The following NDEL1 variants were observed in gnomAD, a reference collection of about 807,000 sequenced individuals.
NDEL1 encodes nuclear distribution protein nudE-like 1.
Under a neutral mutation model 45.7 loss-of-function variants are expected in NDEL1, and 9 were observed. The ratio of observed to expected loss-of-function variants is 0.20; its 90% CI spans 0.12 to 0.34. NDEL1 has a LOEUF of 0.34. Among genes scored for constraint, NDEL1 ranks in the 10% least tolerant of loss-of-function variants. The pLI is 1.00. For missense variants in NDEL1, 306 were observed against 406.2 expected (o/e 0.75, Z 2.12); for synonymous variants, 133 against 158.6 (o/e 0.84, Z 1.21).
At chr17:8,450,650 A>T in intron 5 of NDEL1, 130 bp from the exon 6 acceptor site, 1 of 815,152 alleles carries the variant, frequency 1.2e-6, no homozygotes, top group Non-Finnish European at 1.8e-6. Context: ...AGTTATACTT[A>T]AATAGGAAAT....
chr17:8,452,740 C>CTTTTTTTTTTTTTTTTTTTTTTTTGTGTT, intron 6 of NDEL1, among the ~76,000 whole-genome samples: 1 of 95,628 alleles, frequency 1.0e-5, no homozygotes, highest in East Asian at 3.0e-4. Flanking sequence ...TTTTTCTTCT[C>CTTTTTTTTTTTTTTTTTTTTTTTTGTGTT]TTTTTTTTTT....
chr17:8,443,666 T>C (rs1229386603), intron 1 of NDEL1, among the ~76,000 whole-genome samples: 3 of 151,904 alleles, frequency 2.0e-5, no homozygotes, highest in Non-Finnish European at 4.4e-5. Flanking sequence ...AGAACCAGGA[T>C]GAGAGAGAGA....
At chr17:8,423,211 C>T (rs1908746733) in intron 1 of NDEL1, among the ~76,000 whole-genome samples, 1 of 152,078 alleles carries the variant, frequency 6.6e-6, no homozygotes. Flanking sequence ...ACAAGTGACC[C>T]CCCCTAGAGA....
chr17:8,455,998 A>G (rs1910817105), intron 7 of NDEL1, among the ~76,000 whole-genome samples: 1 of 152,204 alleles, frequency 6.6e-6, no homozygotes, highest in Non-Finnish European at 1.5e-5. Context: ...ATTAGCTCCC[A>G]TTACTATTTC....
At chr17:8,432,319 T>A (rs577899314), upstream of NDEL1, among the ~76,000 whole-genome samples, 2 of 48,402 alleles carry the variant, frequency 4.1e-5, no homozygotes, top group South Asian at 7.3e-4. Context: ...ATATATATAT[T>A]TATATATAAA....
rs200250137 is a variant in NDEL1, at chr17:8,463,374, G to A, written c.944+3214G>A. On this transcript the variant is annotated intron_variant, in intron 8 of 8. Coordinates refer to ENST00000334527, the MANE Select transcript of NDEL1 (RefSeq NM_030808.5). ...TCATGGGTAACTGAATTTGTTTGCTGTGCTCTTTTTCATTCTTTCTTAATC... is the reference window on the plus strand; with the variant it reads ...TCATGGGTAACTGAATTTGTTTGCTATGCTCTTTTTCATTCTTTCTTAATC... The A allele has an allele frequency of 4.3e-6, 7 of 1,611,194 alleles. No homozygotes were observed. In the East Asian group the frequency reaches 1.6e-4, roughly 36 times the overall value.
chr17:8,417,573 C>T (rs767691538), intron 1 of NDEL1, among the ~76,000 whole-genome samples: 2 of 152,176 alleles, frequency 1.3e-5, no homozygotes, highest in Non-Finnish European at 2.9e-5. Flanking sequence ...GTATCTGGCC[C>T]TGGTTGTTGG....
chr17:8,439,497 G>A (rs1361817213), intron 1 of NDEL1, among the ~76,000 whole-genome samples: 2 of 149,992 alleles, frequency 1.3e-5, no homozygotes, highest in Non-Finnish European at 3.0e-5. Flanking sequence ...CAAGTGATCC[G>A]CCTGCCTCAG....
intron 4 of NDEL1, among the ~76,000 whole-genome samples, chr17:8,447,982 C>CGGTGGGGGGGGGGGGG (rs1910197536): frequency 9.3e-6 from 1 of 107,714 alleles, no homozygotes; most frequent in African/African-American, 3.5e-5. Flanking sequence ...GGGAGGTGGG[C>CGGTGGGGGGGGGGGGG]GGGGGGGGGG....
At position 8,445,880 on chromosome 17, in the gene NDEL1, G is replaced by A; in HGVS notation, c.240+16G>A. On this transcript the variant is annotated intron_variant, in intron 3 of 8. Coordinates refer to ENST00000334527, the MANE Select transcript of NDEL1 (RefSeq NM_030808.5). ...GGCATTAAAGGTAATTGCAGCAGTA[G>A]ACGCTGGGGTCTAATGTGTTGAGTT... is the stretch of plus-strand genomic sequence containing the variant. 3 of 1,484,432 alleles carry A rather than the reference G, an allele frequency of 2.0e-6. No individual in the cohort carries two copies. The highest frequency in any genetic ancestry group is 1.8e-4 in the Middle Eastern group (1 of 5,660). The allele number at this position is 1,484,432 out of a possible 1,614,324, so 92.0% of individuals were successfully genotyped here.
intron 1 of NDEL1, among the ~76,000 whole-genome samples, chr17:8,429,323 G>C (rs1435735868): frequency 6.6e-6 from 1 of 151,970 alleles, no homozygotes; most frequent in Non-Finnish European, 1.5e-5. Flanking sequence ...CCTGTTGCTG[G>C]GGATATATTA....
chr17:8,423,793 G>A (rs2151695108), intron 1 of NDEL1, among the ~76,000 whole-genome samples: 1 of 152,300 alleles, frequency 6.6e-6, no homozygotes, highest in South Asian at 2.1e-4. Context: ...TAATTCCTAA[G>A]ATCTGTGTTG....
Position 8,467,518 on chromosome 17 carries a change from T to A in NDEL1, c.*495T>A. 1 of 326,442 alleles carries A rather than the reference T, an allele frequency of 3.1e-6. No homozygotes were observed. The highest frequency in any genetic ancestry group is 4.9e-5 in the Admixed American group (1 of 20,354). The allele number at this position is 326,442 out of a possible 1,614,324, so 20.2% of individuals were successfully genotyped here. On this transcript the variant is annotated 3_prime_UTR_variant, in exon 9 of 9. Coordinates refer to ENST00000334527, the MANE Select transcript of NDEL1 (RefSeq NM_030808.5). This position sits in a 1 kb window ranked among gnomAD's most constrained non-coding sequence, Gnocchi z 6.3. ...CCACCCCTCACAGTTTGGGCCTGTT[T>A]CTGGCAAAGAGTCAGGAAGGTTACT... is the stretch of plus-strand genomic sequence containing the variant.
downstream of NDEL1, among the ~76,000 whole-genome samples, chr17:8,469,832 C>G (rs1275641519): frequency 6.6e-6 from 1 of 150,616 alleles, no homozygotes; most frequent in Non-Finnish European, 1.5e-5. Flanking sequence ...GCCTCCTAAG[C>G]AGCTGGCGCC....
chr17:8,461,095 T>A (rs1911172599), intron 8 of NDEL1: 1 of 152,210 alleles, frequency 6.6e-6, no homozygotes, highest in African/African-American at 2.4e-5. Context: ...CTGTCTCTGC[T>A]TTGAGTCAAA....
At chr17:8,430,001 A>C (rs1908960511) in intron 1 of NDEL1, among the ~76,000 whole-genome samples, 1 of 152,152 alleles carries the variant, frequency 6.6e-6, no homozygotes, top group Non-Finnish European at 1.5e-5. Flanking sequence ...AGGAAGGGAA[A>C]GTCTTTGGGC....
chr17:8,449,195 C>T (rs1440339075), intron 5 of NDEL1, among the ~76,000 whole-genome samples: 1 of 152,220 alleles, frequency 6.6e-6, no homozygotes, highest in African/African-American at 2.4e-5. Context: ...ATTGGCCAGG[C>T]TGATCTCGAA....
chr17:8,472,026 A>T (rs1271382537), downstream of NDEL1, among the ~76,000 whole-genome samples: 1 of 152,124 alleles, frequency 6.6e-6, no homozygotes, highest in Admixed American at 6.5e-5. Context: ...ACCACTTCCT[A>T]ACGATTCCAA....
intron 6 of NDEL1, 25 bp downstream of exon 6, chr17:8,450,978 G>A (rs761549245): frequency 6.3e-7 from 1 of 1,595,226 alleles, no homozygotes; most frequent in Non-Finnish European, 8.5e-7. Context: ...TTCTTTTTGA[G>A]GCGATGTGTT....
Sources: gnomAD v4.1 joint callset for allele counts (sites outside exome capture counted in the v4.1 genomes callset) on GRCh38, gnomAD v4.1.1 for gene constraint, Gnocchi (gnomAD v3.1) non-coding constraint, MANE v1.5 for transcripts, NCBI Gene and HGNC (gene_info 2026-07-23, HGNC 2026-07-21) for gene names.